Variants in RTP2 observed in about 807,000 individuals in gnomAD.
RTP2 encodes receptor transporter protein 2.
Under a neutral mutation model 17.9 loss-of-function variants are expected in RTP2, and 12 were observed. The ratio of observed to expected loss-of-function variants is 0.67; its 90% CI spans 0.43 to 1.09. The LOEUF (loss-of-function observed/expected upper bound fraction) is 1.09. Among genes scored for constraint, RTP2 ranks in the 50% least tolerant of loss-of-function variants. RTP2 has a pLI of 0.00. For missense variants in RTP2, 327 were observed against 295.7 expected, an observed-to-expected ratio of 1.11 and a Z score of -0.78; for synonymous variants, 126 against 117.7, an observed-to-expected ratio of 1.07 and a Z score of -0.46.
the RTP2 span, among the ~76,000 whole-genome samples, chr3:187,709,294 G>GT: frequency 2.6e-5 from 4 of 152,206 alleles, no homozygotes; most frequent in African/African-American, 9.7e-5. Context: ...TTCGGAGCTT[G>GT]TTTGTGAGCC....
the RTP2 span, among the ~76,000 whole-genome samples, chr3:187,707,839 T>G: frequency 7.9e-4 from 120 of 152,290 alleles, 4 homozygotes; most frequent in East Asian, 0.022. Flanking sequence ...TGCCGTGAAT[T>G]CTAATCTGCT....
At chr3:187,715,252 T>C in the RTP2 span, among the ~76,000 whole-genome samples, 1 of 152,226 alleles carries the variant, frequency 6.6e-6, no homozygotes, top group South Asian at 2.1e-4. Context: ...CCAAGATTGC[T>C]GCCAACTCAC....
the RTP2 span, among the ~76,000 whole-genome samples, chr3:187,711,099 G>T: frequency 6.6e-6 from 1 of 152,136 alleles, no homozygotes; most frequent in East Asian, 1.9e-4. Flanking sequence ...CTCTGTCTTG[G>T]TTTCAGTGTG....
At chr3:187,708,804 C>T in the RTP2 span, among the ~76,000 whole-genome samples, 6 of 152,102 alleles carry the variant, frequency 3.9e-5, no homozygotes, top group African/African-American at 1.2e-4. Context: ...TAATTATTTT[C>T]CCCATTTGAC....
chr3:187,713,985 C>T, the RTP2 span, among the ~76,000 whole-genome samples: 1 of 152,166 alleles, frequency 6.6e-6, no homozygotes. Flanking sequence ...AAGTTACTGC[C>T]TGTGCTAGCT....
At chr3:187,711,277 C>G in the RTP2 span, among the ~76,000 whole-genome samples, 2 of 152,150 alleles carry the variant, frequency 1.3e-5, no homozygotes, top group African/African-American at 4.8e-5. Flanking sequence ...GAAACATGGT[C>G]CCTGCCCTCA....
chr3:187,715,320 C>T, the RTP2 span, among the ~76,000 whole-genome samples: 7 of 152,166 alleles, frequency 4.6e-5, no homozygotes, highest in African/African-American at 1.4e-4. Flanking sequence ...ACCCAAAGCC[C>T]GTTCCATCTT....
chr3:187,708,303 G>A, the RTP2 span, among the ~76,000 whole-genome samples: 1 of 152,214 alleles, frequency 6.6e-6, no homozygotes, highest in Non-Finnish European at 1.5e-5. Context: ...TAAGCAGGGG[G>A]AAAGAAGGAG....
the RTP2 span, among the ~76,000 whole-genome samples, chr3:187,708,651 G>A: frequency 2.6e-5 from 4 of 152,166 alleles, no homozygotes; most frequent in African/African-American, 9.7e-5. Flanking sequence ...CTAGTTGCAG[G>A]AGCTGACCTT....
upstream of RTP2, among the ~76,000 whole-genome samples, chr3:187,706,677 A>C (rs1415892274): frequency 6.6e-6 from 1 of 152,044 alleles, no homozygotes; most frequent in East Asian, 1.9e-4. Flanking sequence ...ATCTCGGCTC[A>C]CTGCAGCCTC....
At chr3:187,704,039 C>T (rs1284037623), upstream of RTP2, among the ~76,000 whole-genome samples, 1 of 152,116 alleles carries the variant, frequency 6.6e-6, no homozygotes, top group East Asian at 1.9e-4. Flanking sequence ...ATTCCAGAAC[C>T]CACGATTTAA....
intron 1 of RTP2, among the ~76,000 whole-genome samples, chr3:187,699,221 G>A (rs1383210617): frequency 6.6e-6 from 1 of 152,158 alleles, no homozygotes; most frequent in African/African-American, 2.4e-5. Flanking sequence ...ATCCTCAGGA[G>A]CCAGTGCCGG....
the RTP2 span, among the ~76,000 whole-genome samples, chr3:187,714,671 C>A: frequency 6.6e-6 from 1 of 152,206 alleles, no homozygotes; most frequent in African/African-American, 2.4e-5. Flanking sequence ...CATGCACTCA[C>A]TCCTTTGCTC....
chr3:187,711,999 G>T, the RTP2 span, among the ~76,000 whole-genome samples: 1 of 152,204 alleles, frequency 6.6e-6, no homozygotes, highest in African/African-American at 2.4e-5. Context: ...AGGGAAACAG[G>T]ATGACGATAA....
chr3:187,707,608 T>G, the RTP2 span, among the ~76,000 whole-genome samples: 1 of 152,192 alleles, frequency 6.6e-6, no homozygotes, highest in African/African-American at 2.4e-5. Flanking sequence ...TGATGGAAGT[T>G]GAGGCCTGAA....
At chr3:187,714,534 C>T in the RTP2 span, among the ~76,000 whole-genome samples, 4 of 152,248 alleles carry the variant, frequency 2.6e-5, no homozygotes, top group Non-Finnish European at 4.4e-5. Context: ...TCCTGCTTCC[C>T]TGGAGCCAGA....
chr3:187,700,769 G>A (rs1717824296), intron 1 of RTP2, among the ~76,000 whole-genome samples: 3 of 152,190 alleles, frequency 2.0e-5, no homozygotes, highest in Admixed American at 2.0e-4. Flanking sequence ...TAGTAAGAGA[G>A]GCATCCATGT....
the RTP2 span, among the ~76,000 whole-genome samples, chr3:187,711,347 C>G: frequency 6.6e-6 from 1 of 152,194 alleles, no homozygotes; most frequent in African/African-American, 2.4e-5. Context: ...TTGAAGAAAT[C>G]AACACCTGCA....
At chr3:187,709,772 T>C in the RTP2 span, among the ~76,000 whole-genome samples, 1 of 152,216 alleles carries the variant, frequency 6.6e-6, no homozygotes, top group Non-Finnish European at 1.5e-5. Flanking sequence ...AAAAAAATGT[T>C]AACATGATGT....
Sources: allele counts gnomAD v4.1 joint callset (sites outside exome capture counted in the v4.1 genomes callset), GRCh38; gene constraint gnomAD v4.1.1; transcripts MANE v1.5; gene names NCBI Gene and HGNC (gene_info 2026-07-23, HGNC 2026-07-21).